PLXDC1: variants seen among roughly 807,000 people sequenced by gnomAD.
PLXDC1 encodes the protein plexin domain containing 1.
In PLXDC1, 39 loss-of-function variants were observed where a neutral mutation model predicts 61.3. The ratio of observed to expected loss-of-function variants is 0.64; its 90% CI spans 0.49 to 0.83. PLXDC1 has a LOEUF of 0.83. Ranked by LOEUF, PLXDC1 falls within the 40% of genes least tolerant of loss-of-function variation. The pLI is 0.00. For synonymous variants in PLXDC1, 212 were observed against 254.5 expected, an observed-to-expected ratio of 0.83 and a Z score of 1.59; for missense variants, 596 against 666.5, an observed-to-expected ratio of 0.89 and a Z score of 1.17.
chr17:39,124,981 C>CT (rs1247739571), intron 2 of PLXDC1, among the ~76,000 whole-genome samples: 3 of 152,124 alleles, frequency 2.0e-5, no homozygotes, highest in East Asian at 1.9e-4. Flanking sequence ...GCCCAGCTAA[C>CT]TTTTTTTGTA....
chr17:39,116,935 C>T (rs1910987432), intron 2 of PLXDC1, among the ~76,000 whole-genome samples: 1 of 152,226 alleles, frequency 6.6e-6, no homozygotes, highest in African/African-American at 2.4e-5. Context: ...CCGATTATTA[C>T]AAGGGCCAGG....
At chr17:39,124,649 G>C (rs8070895) in intron 2 of PLXDC1, among the ~76,000 whole-genome samples, 119 of 152,296 alleles carry the variant, frequency 7.8e-4, no homozygotes, top group African/African-American at 2.8e-3. Context: ...GGCTCTGAAG[G>C]CAAAGACCTG....
intron 8 of PLXDC1, 34 bp downstream of exon 8, chr17:39,087,573 C>T (rs1168221548): frequency 1.3e-6 from 2 of 1,516,238 alleles, no homozygotes; most frequent in Non-Finnish European, 9.2e-7. Flanking sequence ...GACTCCAGAG[C>T]TCTTTCTGGG....
chr17:39,100,864 A>T (rs1055501385), intron 7 of PLXDC1, among the ~76,000 whole-genome samples: 65 of 152,210 alleles, frequency 4.3e-4, no homozygotes, highest in African/African-American at 1.5e-3. Context: ...CAGGGGGCTA[A>T]GGGGAGGGCA....
At chr17:39,128,097 G>GTATATATATATAGATATA (rs1911380692) in intron 2 of PLXDC1, among the ~76,000 whole-genome samples, 1 of 67,478 alleles carries the variant, frequency 1.5e-5, no homozygotes, top group Non-Finnish European at 2.7e-5. Context: ...CTCTCTATGT[G>GTATATATATATAGATATA]TATATATATA....
chr17:39,072,615 G>A, intron 11 of PLXDC1, 130 bp from the exon 12 acceptor site: 2 of 706,362 alleles, frequency 2.8e-6, no homozygotes, highest in South Asian at 1.5e-5. Context: ...GGCTCAGAGA[G>A]GGGAGGAGAC....
chr17:39,086,730 C>T lies in PLXDC1; in HGVS notation c.907+877G>A, dbSNP rs1312052120. On this transcript the variant is annotated intron_variant, in intron 8 of 13. Coordinates refer to ENST00000315392, the MANE Select transcript of PLXDC1 (RefSeq NM_020405.5). ...TACAAAAATTAGCCGGGCATGGTGG[C>T]GGGTGCCTGTAATCCCAGCTACTTG... 4.0e-5 allele frequency among the ~76,000 whole-genome samples: 6 copies of T among 151,770 alleles called. 1 individual carries two copies. Among genetic ancestry groups the T allele is most frequent in the Admixed American group, 1.3e-4 (2 of 15,242 alleles).
upstream of PLXDC1, chr17:39,152,730 C>T (rs2045382356): frequency 2.5e-6 from 3 of 1,184,698 alleles, no homozygotes; most frequent in East Asian, 6.5e-5. Flanking sequence ...GGAGAAGGTA[C>T]ACTGTGGGCT....
intron 1 of PLXDC1, 151 bp from the exon 2 acceptor site, chr17:39,139,983 T>TG: frequency 1.4e-6 from 1 of 723,024 alleles, no homozygotes; most frequent in Non-Finnish European, 2.2e-6. Flanking sequence ...AGACACCCAA[T>TG]GTGTACTGAG....
intron 7 of PLXDC1, among the ~76,000 whole-genome samples, chr17:39,088,925 G>A: frequency 7.4e-6 from 1 of 135,440 alleles, no homozygotes; most frequent in Non-Finnish European, 1.5e-5. Context: ...CTCCAGCCTG[G>A]GTGACAAGAG....
At chr17:39,077,056 CG>C (rs1388570090) in intron 11 of PLXDC1, among the ~76,000 whole-genome samples, 1 of 151,876 alleles carries the variant, frequency 6.6e-6, no homozygotes, top group Non-Finnish European at 1.5e-5. Context: ...TTAGTGGAGA[CG>C]GGGTTTCACC....
intron 7 of PLXDC1, among the ~76,000 whole-genome samples, chr17:39,092,552 G>A (rs562899040): frequency 1.3e-5 from 2 of 152,238 alleles, no homozygotes; most frequent in South Asian, 2.1e-4. Flanking sequence ...CTGTTAGCTC[G>A]CAGCCTTGCA....
Position 39,086,233 on chromosome 17 carries a change from C to G in PLXDC1, c.907+1374G>C, listed in dbSNP as rs1909736211. Among the ~76,000 whole-genome samples the G allele has an allele frequency of 6.6e-5, 10 of 152,292 alleles. No individual in the cohort carries two copies. The South Asian group carries it at 2.1e-3, about 32-fold the overall frequency. On this transcript the variant is annotated intron_variant, in intron 8 of 13. Coordinates refer to ENST00000315392, the MANE Select transcript of PLXDC1 (RefSeq NM_020405.5). ...GGAACCCTGGTTCTCAGGCCCTGAG[C>G]CTTCTGCCCCGATGGAGAGTGATAG...
intron 2 of PLXDC1, among the ~76,000 whole-genome samples, chr17:39,119,046 G>T (rs1202779505): frequency 6.6e-6 from 1 of 152,206 alleles, no homozygotes; most frequent in African/African-American, 2.4e-5. Context: ...ATGAATTAAT[G>T]AAAAGGAGGC....
In PLXDC1 at chr17:39,077,899, G is replaced by A. The variant is rs1408010432; in HGVS notation, c.1186+14C>T. 3.1e-6 allele frequency: 5 copies of A among 1,614,026 alleles called. No homozygotes were observed. In the Admixed American group the frequency reaches 8.3e-5, roughly 27 times the overall value. On this transcript the variant is annotated intron_variant, in intron 11 of 13. Transcript: ENST00000315392. ...TGGCCTCCTCTCTGCTCCCCTCCTG[G>A]GCTCAGAACTTACCTTCTGTGGTGA...
intron 2 of PLXDC1, among the ~76,000 whole-genome samples, chr17:39,135,097 A>C (rs1476942987): frequency 6.6e-6 from 1 of 152,236 alleles, no homozygotes; most frequent in Non-Finnish European, 1.5e-5. Flanking sequence ...ATCTGTTCCG[A>C]GGCAGATGTC....
intron 2 of PLXDC1, among the ~76,000 whole-genome samples, chr17:39,119,082 C>T (rs1911079569): frequency 6.6e-6 from 1 of 152,192 alleles, no homozygotes; most frequent in African/African-American, 2.4e-5. Context: ...GGACCTGGTT[C>T]CCAACAGCTT....
chr17:39,088,962 AAAG>A (rs1909847146), intron 7 of PLXDC1, among the ~76,000 whole-genome samples: 3 of 129,886 alleles, frequency 2.3e-5, no homozygotes, highest in Admixed American at 8.6e-5. Context: ...AAAAAAAAAA[AAAG>A]AGAGAGAGAG....
chr17:39,143,194 GC>G (rs1567774551), intron 1 of PLXDC1, among the ~76,000 whole-genome samples: 3 of 152,172 alleles, frequency 2.0e-5, no homozygotes, highest in South Asian at 4.2e-4. Context: ...AAAGATTTAT[GC>G]CCCCCAAAGC....
Sources: gnomAD v4.1 joint callset for allele counts (sites outside exome capture counted in the v4.1 genomes callset) on GRCh38, gnomAD v4.1.1 for gene constraint, MANE v1.5 for transcripts, NCBI Gene and HGNC (gene_info 2026-07-23, HGNC 2026-07-21) for gene names.